The following RADX variants were observed in gnomAD, a reference collection of about 807,000 sequenced individuals.
RADX encodes RPA-related protein RADX.
A neutral mutation model predicts 61.6 loss-of-function variants in RADX; 36 were observed. The ratio of observed to expected loss-of-function variants is 0.58; its 90% CI spans 0.45 to 0.77. The LOEUF (loss-of-function observed/expected upper bound fraction) is 0.77. Among genes scored for constraint, RADX ranks in the 30% least tolerant of loss-of-function variants. RADX has a pLI of 0.00. For synonymous variants in RADX, 272 were observed against 237.9 expected (o/e 1.14, Z -1.32); for missense variants, 497 against 651.1 (o/e 0.76, Z 2.58).
intron 11 of RADX, among the ~76,000 whole-genome samples, chrX:106,659,640 G>C (rs1928039477): frequency 9.0e-6 from 1 of 110,870 alleles, no homozygotes; most frequent in Non-Finnish European, 1.9e-5. Flanking sequence ...CTGAGCTCTA[G>C]ATATATTTTG....
chrX:106,654,295 T>TA (rs34597668), intron 11 of RADX, among the ~76,000 whole-genome samples: 12,174 of 110,537 alleles, frequency 0.11, 1,637 homozygotes, highest in African/African-American at 0.38. Context: ...GTGATGATGA[T>TA]TTTTTTTTCA....
At chrX:106,667,810 C>T (rs1232469365) in intron 12 of RADX, among the ~76,000 whole-genome samples, 1 of 111,586 alleles carries the variant, frequency 9.0e-6, no homozygotes, top group Admixed American at 9.5e-5. Context: ...GGCATCCTTC[C>T]TTTTTTGTTT....
At chrX:106,634,057 G>C (rs1164460498) in intron 6 of RADX, among the ~76,000 whole-genome samples, 1 of 111,320 alleles carries the variant, frequency 9.0e-6, no homozygotes, top group Non-Finnish European at 1.9e-5. Flanking sequence ...TGTGTTAAAT[G>C]CTTGGCCAAC....
At chrX:106,672,475 A>T (rs1004558370) in intron 13 of RADX, among the ~76,000 whole-genome samples, 3 of 103,289 alleles carry the variant, frequency 2.9e-5, no homozygotes, top group Non-Finnish European at 3.8e-5. Context: ...TCTCCCAAAG[A>T]TACTCTCTCT....
At chrX:106,642,141 A>G (rs1170807188) in intron 10 of RADX, among the ~76,000 whole-genome samples, 1 of 110,812 alleles carries the variant, frequency 9.0e-6, no homozygotes, top group Admixed American at 9.6e-5. Flanking sequence ...TAGTAGGTAT[A>G]TATATATTTA....
intron 11 of RADX, among the ~76,000 whole-genome samples, chrX:106,661,109 C>T (rs904956122): frequency 9.0e-6 from 1 of 111,187 alleles, no homozygotes; most frequent in East Asian, 2.8e-4. Flanking sequence ...TCCCTCAACA[C>T]CTGGGGACTC....
intron 1 of RADX, among the ~76,000 whole-genome samples, chrX:106,621,929 T>G (rs915551662): frequency 1.6e-4 from 14 of 88,639 alleles, no homozygotes; most frequent in Middle Eastern, 4.9e-3. Flanking sequence ...TCTATGGTTT[T>G]TTTTTTTTTT....
At chrX:106,640,828 C>T in intron 10 of RADX, 107 bp downstream of exon 10, 2 of 532,650 alleles carry the variant, frequency 3.8e-6, no homozygotes, top group Non-Finnish European at 5.7e-6. Context: ...TTGTTAGGGC[C>T]CCCATAACAA....
At chrX:106,628,515 G>GT (rs1927127027) in intron 3 of RADX, among the ~76,000 whole-genome samples, 2 of 111,397 alleles carry the variant, frequency 1.8e-5, no homozygotes, top group Non-Finnish European at 3.8e-5. Context: ...GGTCAGTAAA[G>GT]GAATAAGGAT....
Position 106,632,605 on chromosome X carries a change from G to T in RADX, c.980-20G>T. ...GGTGTGTATTAAATAGCATATTAAA[G>T]TAATATATTTATTTTTCAGAAATCT... On this transcript the variant is annotated intron_variant, in intron 3 of 13. Transcript: ENST00000372548. 9.7e-7 allele frequency: 1 copy of T among 1,028,274 alleles called. No homozygotes were observed. Among genetic ancestry groups the T allele is most frequent in the Non-Finnish European group, 1.4e-6 (1 of 739,252 alleles). The allele number at this position is 1,028,274 out of a possible 1,213,427, so 84.7% of individuals were successfully genotyped here.
chrX:106,664,208 G>T (rs1928171275), intron 12 of RADX, among the ~76,000 whole-genome samples: 1 of 98,095 alleles, frequency 1.0e-5, no homozygotes, highest in African/African-American at 5.3e-5. Context: ...CTGGCAGGAA[G>T]GGAGAAGGGT....
intron 3 of RADX, among the ~76,000 whole-genome samples, chrX:106,630,166 A>G (rs896796160): frequency 1.8e-5 from 2 of 110,494 alleles, no homozygotes; most frequent in African/African-American, 6.6e-5. Context: ...CTACAAATAA[A>G]AAGAAAAAAT....
At chrX:106,618,657 C>T (rs1348717541) in intron 1 of RADX, among the ~76,000 whole-genome samples, 2 of 110,630 alleles carry the variant, frequency 1.8e-5, no homozygotes, top group African/African-American at 6.6e-5. Context: ...ATACCTTAGC[C>T]GGGGCATGAA....
Position 106,625,174 on chromosome X carries a change from C to A in RADX, c.871C>A (p.Arg291=). ...GTGTCCTGAGTGGTATAAAAGTTTG[C>A]GGGTTGGTTTAGTTCTTCTGCTTCA... The part of the protein sequence containing the change: ...ALCPEWYKSL[R]VGLVLLLQDY... The change falls in exon 3 of 14, where the codon CGG becomes AGG. Residue 291 remains arginine (R), a synonymous_variant. Transcript: ENST00000372548. 8.3e-7 allele frequency: 1 copy of A among 1,203,679 alleles called. No individual in the cohort carries two copies.
intron 12 of RADX, among the ~76,000 whole-genome samples, chrX:106,667,428 C>T (rs1017706505): frequency 4.5e-5 from 5 of 110,891 alleles, no homozygotes; most frequent in African/African-American, 1.6e-4. Context: ...GCAATCCTCC[C>T]ACCTCTGCCT....
intron 12 of RADX, among the ~76,000 whole-genome samples, chrX:106,668,875 C>T: frequency 8.9e-6 from 1 of 112,278 alleles, no homozygotes; most frequent in African/African-American, 3.2e-5. Flanking sequence ...ATTTGTGTGA[C>T]CATGCTGTCC....
Position 106,637,845 on chromosome X carries a change from G to C in RADX, c.1494G>C (p.Gln498His). 8.3e-7 allele frequency: 1 copy of C among 1,207,134 alleles called. No homozygotes were observed. The highest frequency in any genetic ancestry group is 1.8e-5 in the South Asian group (1 of 56,733). The change falls in exon 8 of 14, where the codon CAG (glutamine) becomes CAC (histidine). Residue 498 changes from glutamine to histidine, a missense_variant. Physicochemically the swap from Gln to His is conservative, Grantham distance 24. This residue lies in a region of RADX where 267 missense variants were observed against 306.9 expected (regional missense o/e 0.87). Coordinates refer to ENST00000372548, the MANE Select transcript of RADX (RefSeq NM_018015.6). ...GAACAAAGTCTGATTCCGGGGAACA[G>C]AAGAATATGGTTATTGGTGGATATT... ...WIRTKSDSGE[Q>H]KNMVIGGYYP... is the part of the protein sequence containing the mutation.
At chrX:106,627,192 T>G (rs1028593850) in intron 3 of RADX, among the ~76,000 whole-genome samples, 1 of 111,758 alleles carries the variant, frequency 8.9e-6, no homozygotes, top group Non-Finnish European at 1.9e-5. Context: ...TTAATTACTC[T>G]GAGAATGGGA....
chrX:106,662,223 T>C lies in RADX; in HGVS notation c.2187T>C (p.Tyr729=), dbSNP rs1242655430. 1.7e-6 allele frequency: 2 copies of C among 1,209,060 alleles called. No homozygotes were observed. The change falls in exon 12 of 14, where the codon TAT becomes TAC. Residue 729 remains tyrosine, a synonymous_variant. Transcript: ENST00000372548. ...AGTATAATTCTCAGCCTGCGAAATATGTACCACCAGAAGGAAGGCCCCCAA... is the reference window on the plus strand; with the variant it reads ...AGTATAATTCTCAGCCTGCGAAATACGTACCACCAGAAGGAAGGCCCCCAA... ...SDQYNSQPAK[Y]VPPEGRPPKL...
Sources: gnomAD v4.1 joint callset for allele counts (sites outside exome capture counted in the v4.1 genomes callset) on GRCh38, gnomAD v4.1.1 for gene constraint, gnomAD v4.1.1 regional missense constraint, MANE v1.5 for transcripts, NCBI Gene and HGNC (gene_info 2026-07-23, HGNC 2026-07-21) for gene names.